Variants in NBPF15 observed in about 807,000 individuals in gnomAD.
The protein encoded by NBPF15 is NBPF family member NBPF15.
In NBPF15, 74 loss-of-function variants were observed where a neutral mutation model predicts 62.2. The observed-to-expected ratio is 1.19, with a 90% confidence interval of 0.99 to 1.44. The LOEUF is 1.44. Ranked by LOEUF, NBPF15 falls within the 40% of genes most tolerant of loss-of-function variation. NBPF15 has a pLI of 0.00. For missense variants in NBPF15, 790 were observed against 550.0 expected (o/e 1.44, Z -4.36); for synonymous variants, 244 against 209.7 (o/e 1.16, Z -1.41).
chr1:144,445,426 CAATT>C (rs1686810454), intron 6 of NBPF15, among the ~76,000 whole-genome samples: 1 of 143,730 alleles, frequency 7.0e-6, no homozygotes, highest in South Asian at 2.2e-4. Flanking sequence ...TCCTAAGAAT[CAATT>C]AGACATACAT....
chr1:144,422,847 T>G lies in NBPF15; in HGVS notation c.*166A>C, dbSNP rs879962177. 4 of 1,541,174 alleles carry G rather than the reference T, an allele frequency of 2.6e-6. No individual in the cohort carries two copies. The highest frequency in any genetic ancestry group is 1.4e-5 in the African/African-American group (1 of 73,166). ...CTAACATGGGTCCATTGTCTTCAGATTGAGCACAGGTTGCCAATGGCATGG... is the reference window on the plus strand; with the variant it reads ...CTAACATGGGTCCATTGTCTTCAGAGTGAGCACAGGTTGCCAATGGCATGG... On this transcript the variant is annotated 3_prime_UTR_variant, in exon 22 of 22. Coordinates refer to ENST00000581897, the MANE Select transcript of NBPF15 (RefSeq NM_001385408.1).
chr1:144,448,480 C>T (rs61812370), intron 6 of NBPF15, among the ~76,000 whole-genome samples: 8 of 151,940 alleles, frequency 5.3e-5, no homozygotes, highest in African/African-American at 1.9e-4. Flanking sequence ...GGACAGACAA[C>T]AAATTTGCAT....
intron 13 of NBPF15, among the ~76,000 whole-genome samples, chr1:144,431,980 T>A (rs1219569273): frequency 8.6e-5 from 13 of 151,402 alleles, no homozygotes; most frequent in Admixed American, 5.3e-4. Flanking sequence ...TACAGCAGCA[T>A]GATTTATAAT....
At position 144,440,496 on chromosome 1, in the gene NBPF15, A is replaced by G. The variant is rs1478682476; in HGVS notation, c.-190-201T>C. On this transcript the variant is annotated intron_variant, in intron 6 of 21. Transcript: ENST00000581897. ...ATGCCACAGACCCATGTCTTTCCCA[A>G]TACATCTAAGCATATTCCTCACTGT... 1.1e-5 allele frequency: 5 copies of G among 443,752 alleles called. No individual in the cohort carries two copies. In the East Asian group the frequency reaches 1.1e-4, roughly 10 times the overall value. 27.5% of individuals were successfully genotyped at this position (443,752 alleles called of 1,614,324 possible). A position where few individuals can be genotyped will look rare whatever the true frequency, so the allele number is the denominator to read the frequency against.
intron 5 of NBPF15, among the ~76,000 whole-genome samples, chr1:144,450,539 G>GCC (rs1690421074): frequency 2.7e-5 from 4 of 150,198 alleles, no homozygotes; most frequent in Non-Finnish European, 5.9e-5. Context: ...CCCATTCCCG[G>GCC]ATTTTAGCCT....
rs1363188556 is a variant in NBPF15 at position 144,436,898 on chromosome 1, G to A, written c.490C>T (p.Pro164Ser). The change falls in exon 10 of 22, where the codon CCA becomes TCA. Residue 164 changes from proline (P) to serine (S), a missense_variant. Coordinates refer to ENST00000581897, the MANE Select transcript of NBPF15 (RefSeq NM_001385408.1). ...LTQHLVQKLS[P>S]ENDNDDDEDV... ...TCAGGGCCTATGGCCACCTTACCTG[G>A]GCTGAGCTTTTGGACAAGGTGCTGT... 24 of 1,611,710 alleles carry A rather than the reference G, an allele frequency of 1.5e-5. No homozygotes were observed. The highest frequency in any genetic ancestry group is 5.0e-5 in the Admixed American group (3 of 59,932).
At chr1:144,440,072 A>T in intron 7 of NBPF15, 34 bp from the exon 8 acceptor site, 1 of 1,566,304 alleles carries the variant, frequency 6.4e-7, no homozygotes, top group Non-Finnish European at 8.8e-7. Flanking sequence ...ATGATGGGTT[A>T]AAAACTGGTG....
intron 4 of NBPF15, among the ~76,000 whole-genome samples, 173 bp from the exon 5 acceptor site, chr1:144,451,043 G>A (rs1184588897): frequency 1.3e-5 from 2 of 152,052 alleles, no homozygotes; most frequent in South Asian, 2.1e-4. Context: ...ACCCATGCCA[G>A]CACTGGCCTC....
chr1:144,436,631 C>T lies in NBPF15; in HGVS notation c.493+264G>A, dbSNP rs1430240440. ...GCCTGCTCCCATCGCAGCCTCCTTC[C>T]TGTCCTTTAAAACTAGACAGATGCT... On this transcript the variant is annotated intron_variant, in intron 10 of 21. Coordinates refer to ENST00000581897, the MANE Select transcript of NBPF15 (RefSeq NM_001385408.1). Among the ~76,000 whole-genome samples the T allele has an allele frequency of 3.5e-4, 54 of 152,158 alleles. 2 individuals carry two copies. The highest frequency in any genetic ancestry group is 6.8e-3 in the Middle Eastern group (2 of 294).
In NBPF15 at chr1:144,439,845, G is replaced by A; in HGVS notation, c.159C>T (p.Asn53=). ...FLTQLAGFLA[N]RQKKYKYEEC... is the part of the protein sequence containing the mutation. Reference sequence around the variant, plus strand: ...AGATCTTACTGTATTTCTTCTGTCGGTTGGCCAGGAAGCCGGCCAGTTGAG... The same window carrying A: ...AGATCTTACTGTATTTCTTCTGTCGATTGGCCAGGAAGCCGGCCAGTTGAG... The change falls in exon 8 of 22, where the codon AAC becomes AAT. Residue 53 remains asparagine, a synonymous_variant. Coordinates refer to ENST00000581897, the MANE Select transcript of NBPF15 (RefSeq NM_001385408.1). The A allele has an allele frequency of 1.9e-6, 3 of 1,605,392 alleles. No homozygotes were observed. Among genetic ancestry groups the A allele is most frequent in the Admixed American group, 3.3e-5 (2 of 59,972 alleles).
At chr1:144,452,508 A>G (rs1691837431) in intron 4 of NBPF15, among the ~76,000 whole-genome samples, 1 of 151,524 alleles carries the variant, frequency 6.6e-6, no homozygotes, top group African/African-American at 2.4e-5. Flanking sequence ...CATGGGGACC[A>G]GGGATTAGGA....
intron 17 of NBPF15, 99 bp from the exon 18 acceptor site, chr1:144,426,549 G>A: frequency 1.4e-6 from 1 of 738,646 alleles, no homozygotes; most frequent in Non-Finnish European, 2.5e-6. Context: ...TGTTTAAAAA[G>A]AAAAAGGACG....
At chr1:144,431,489 A>G (rs1378648354) in intron 13 of NBPF15, among the ~76,000 whole-genome samples, 3 of 151,390 alleles carry the variant, frequency 2.0e-5, no homozygotes, top group African/African-American at 4.9e-5. Flanking sequence ...ATATATATAT[A>G]TACAGATATA....
chr1:144,445,354 T>TATACAC (rs1322315552), intron 6 of NBPF15, among the ~76,000 whole-genome samples: 5 of 104,454 alleles, frequency 4.8e-5, no homozygotes, highest in Admixed American at 1.8e-4. Context: ...TATATATATA[T>TATACAC]ACACACACAC....
chr1:144,432,006 C>T (rs1674709649), intron 13 of NBPF15, among the ~76,000 whole-genome samples: 1 of 151,414 alleles, frequency 6.6e-6, no homozygotes, highest in Non-Finnish European at 1.5e-5. Flanking sequence ...GGGTACACAC[C>T]CAGTAATGGG....
chr1:144,459,826 G>A (rs1441464499), intron 2 of NBPF15, among the ~76,000 whole-genome samples: 5 of 151,846 alleles, frequency 3.3e-5, no homozygotes, highest in Non-Finnish European at 2.9e-5. Flanking sequence ...ACAGGCATCA[G>A]CAAGGATGTG....
At chr1:144,434,649 G>T (rs1676884003) in intron 12 of NBPF15, among the ~76,000 whole-genome samples, 1 of 151,352 alleles carries the variant, frequency 6.6e-6, no homozygotes, top group Admixed American at 6.6e-5. Context: ...TGATTTCAGG[G>T]TGACTGTGCA....
chr1:144,456,260 G>A (rs1411590655), intron 4 of NBPF15, among the ~76,000 whole-genome samples: 4 of 151,780 alleles, frequency 2.6e-5, no homozygotes, highest in African/African-American at 9.7e-5. Flanking sequence ...AGCAAGGAGT[G>A]GGATGCAGAT....
chr1:144,429,421 G>T (rs1312771251), intron 14 of NBPF15, among the ~76,000 whole-genome samples: 1 of 151,388 alleles, frequency 6.6e-6, no homozygotes, highest in Non-Finnish European at 1.5e-5. Flanking sequence ...GCATAGTTTG[G>T]TGTGAGTTTG....
Sources: gnomAD v4.1 joint callset for allele counts (sites outside exome capture counted in the v4.1 genomes callset) on GRCh38, gnomAD v4.1.1 for gene constraint, MANE v1.5 for transcripts, NCBI Gene and HGNC (gene_info 2026-07-23, HGNC 2026-07-21) for gene names.